The following TANC2 variants were observed in gnomAD, a reference collection of about 807,000 sequenced individuals.
TANC2 encodes the protein tetratricopeptide repeat, ankyrin repeat and coiled-coil containing 2.
TANC2 carries 26 observed loss-of-function variants against 210.5 expected under a neutral mutation model. That is an observed-to-expected ratio of 0.12 (90% CI 0.09 to 0.17). The LOEUF (loss-of-function observed/expected upper bound fraction) is 0.17. Ranked by LOEUF, TANC2 falls within the 10% of genes least tolerant of loss-of-function variation. The probability of loss-of-function intolerance (pLI) is 1.00; values close to 1 mark genes in which losing one functional copy is unlikely to be tolerated. For synonymous variants in TANC2, 931 were observed against 967.1 expected (o/e 0.96, Z 0.69); for missense variants, 2,129 against 2,608.9 (o/e 0.82, Z 4.01).
At chr17:63,140,128 T>G (rs1440507867) in intron 4 of TANC2, among the ~76,000 whole-genome samples, 1 of 152,214 alleles carries the variant, frequency 6.6e-6, no homozygotes, top group Non-Finnish European at 1.5e-5. Flanking sequence ...GAAGATTAAC[T>G]AGAACATTAA....
At chr17:63,152,387 C>G (rs2039683404) in intron 5 of TANC2, 1 of 151,944 alleles carries the variant, frequency 6.6e-6, no homozygotes, top group South Asian at 2.1e-4. Flanking sequence ...AAATTTGGGC[C>G]AAACCTCATA....
intron 18 of TANC2, 120 bp downstream of exon 18, chr17:63,396,048 TG>T: frequency 2.2e-6 from 2 of 908,342 alleles, no homozygotes; most frequent in South Asian, 3.5e-5. Context: ...TCGTGATCGC[TG>T]CTCTGAATAA....
chr17:63,309,613 C>T (rs1237183730), intron 9 of TANC2, among the ~76,000 whole-genome samples: 1 of 152,002 alleles, frequency 6.6e-6, no homozygotes, highest in African/African-American at 2.4e-5. Context: ...ATGGTTATTT[C>T]AAGAAATCCA....
At chr17:63,152,023 T>C (rs2039670544) in intron 5 of TANC2, 1 of 152,188 alleles carries the variant, frequency 6.6e-6, no homozygotes, top group African/African-American at 2.4e-5. Flanking sequence ...ATGCTTAGAT[T>C]CTTTCAAACT....
rs1257906239 is a variant in TANC2, at chr17:63,179,511, GTTA to G, written c.434-14477_434-14475del. ...GAAAAGTACAGTAATATCTCAATAA[GTTA>G]TTGTTACAGTCATCACTACTACTAC... On this transcript the variant is annotated intron_variant, in intron 5 of 27. Transcript: ENST00000689528. Among the ~76,000 whole-genome samples, 4 of 152,126 alleles carry G rather than the reference GTTA, an allele frequency of 2.6e-5. 1 individual carries two copies. The East Asian group carries it at 7.7e-4, about 29-fold the overall frequency.
intron 4 of TANC2, among the ~76,000 whole-genome samples, chr17:63,102,296 C>G (rs1447122494): frequency 2.6e-5 from 4 of 151,444 alleles, no homozygotes; most frequent in African/African-American, 9.7e-5. Context: ...GGAAACAGAA[C>G]AAGCAAGACC....
chr17:63,044,941 A>G (rs945341379), intron 2 of TANC2, among the ~76,000 whole-genome samples: 8 of 151,974 alleles, frequency 5.3e-5, no homozygotes, highest in African/African-American at 1.7e-4. Context: ...TTATTGATTT[A>G]TAGGAATTCT....
At chr17:63,064,622 A>G (rs976794098) in intron 2 of TANC2, among the ~76,000 whole-genome samples, 1 of 151,916 alleles carries the variant, frequency 6.6e-6, no homozygotes, top group Non-Finnish European at 1.5e-5. Flanking sequence ...CCTTTTTACA[A>G]TTTTCCTTTT....
At chr17:63,109,972 CTT>C (rs1186237031) in intron 4 of TANC2, among the ~76,000 whole-genome samples, 1 of 151,674 alleles carries the variant, frequency 6.6e-6, no homozygotes, top group Admixed American at 6.6e-5. Context: ...GCTTAAAAGA[CTT>C]TATTTACAGC....
At chr17:63,335,428 T>C (rs948882185) in intron 11 of TANC2, among the ~76,000 whole-genome samples, 7 of 151,860 alleles carry the variant, frequency 4.6e-5, no homozygotes, top group African/African-American at 1.7e-4. Context: ...CTGGCCAATA[T>C]AGTGAAACCC....
intron 18 of TANC2, among the ~76,000 whole-genome samples, chr17:63,398,377 G>T (rs984796679): frequency 1.3e-5 from 2 of 151,708 alleles, no homozygotes; most frequent in Admixed American, 1.3e-4. Context: ...GATTGCTTGA[G>T]CCTGGGAGGT....
At chr17:63,397,599 G>A (rs1449843336) in intron 18 of TANC2, among the ~76,000 whole-genome samples, 3 of 152,218 alleles carry the variant, frequency 2.0e-5, no homozygotes, top group Admixed American at 1.3e-4. Flanking sequence ...CAGTTTCAAG[G>A]GTGTAAATAC....
At chr17:63,373,923 A>G (rs180986375) in intron 14 of TANC2, among the ~76,000 whole-genome samples, 5 of 152,094 alleles carry the variant, frequency 3.3e-5, no homozygotes, top group Admixed American at 2.0e-4. Flanking sequence ...GGAGGTTGCA[A>G]TGAACCAAGA....
chr17:63,263,899 G>T (rs1174277974), intron 8 of TANC2, among the ~76,000 whole-genome samples: 1 of 152,144 alleles, frequency 6.6e-6, no homozygotes, highest in Non-Finnish European at 1.5e-5. Flanking sequence ...TTGAAAGATC[G>T]ACAGGTATAT....
chr17:63,385,145 G>C (rs1401772290), intron 15 of TANC2, among the ~76,000 whole-genome samples: 1 of 152,178 alleles, frequency 6.6e-6, no homozygotes, highest in Non-Finnish European at 1.5e-5. Flanking sequence ...CACAGAACCT[G>C]ACACATTGTA....
intron 10 of TANC2, among the ~76,000 whole-genome samples, chr17:63,316,863 A>C (rs1235661498): frequency 6.6e-6 from 1 of 152,156 alleles, no homozygotes; most frequent in Non-Finnish European, 1.5e-5. Flanking sequence ...TGAATATGTT[A>C]CTGGCAGGAG....
At chr17:63,290,552 G>A (rs1275975000) in intron 9 of TANC2, among the ~76,000 whole-genome samples, 1 of 152,168 alleles carries the variant, frequency 6.6e-6, no homozygotes, top group East Asian at 1.9e-4. Flanking sequence ...GCCTGGAAAT[G>A]CTTTCAAGGC....
chr17:63,317,283 T>C (rs866702517), intron 10 of TANC2, among the ~76,000 whole-genome samples: 12 of 149,614 alleles, frequency 8.0e-5, no homozygotes, highest in Admixed American at 1.3e-4. Context: ...TGGCTGTCCT[T>C]CCCCCACAGA....
intron 13 of TANC2, among the ~76,000 whole-genome samples, chr17:63,353,944 TGGA>T (rs1227740298): frequency 1.3e-5 from 2 of 151,540 alleles, no homozygotes; most frequent in Non-Finnish European, 2.9e-5. Context: ...TTGGAACAAA[TGGA>T]GGAGAGAATG....
Sources: allele counts gnomAD v4.1 joint callset (sites outside exome capture counted in the v4.1 genomes callset), GRCh38; gene constraint gnomAD v4.1.1; transcripts MANE v1.5; gene names NCBI Gene and HGNC (gene_info 2026-07-23, HGNC 2026-07-21).